The following APBA2 variants were observed in gnomAD, a reference collection of about 807,000 sequenced individuals.
APBA2 encodes amyloid beta precursor protein binding family A member 2.
In APBA2, 30 loss-of-function variants were observed where a neutral mutation model predicts 75.0. The observed-to-expected ratio is 0.40, with a 90% CI of 0.30 to 0.54. The LOEUF (loss-of-function observed/expected upper bound fraction) is 0.54, where lower values mean the gene tolerates loss of function less well. Among genes scored for constraint, APBA2 ranks in the 20% least tolerant of loss-of-function variants. The probability of loss-of-function intolerance (pLI) is 0.49; values close to 1 mark genes in which losing one functional copy is unlikely to be tolerated. For synonymous variants in APBA2, 444 were observed against 409.6 expected (o/e 1.08, Z -1.01); for missense variants, 801 against 1,016.1 (o/e 0.79, Z 2.88).
intron 2 of APBA2, among the ~76,000 whole-genome samples, chr15:28,948,233 C>G (rs566180200): frequency 6.6e-6 from 1 of 152,188 alleles, no homozygotes; most frequent in Admixed American, 6.5e-5. Context: ...GTCACCAGCT[C>G]CTAAGAGGGG....
intron 13 of APBA2, chr15:29,108,691 A>G: frequency 1.9e-6 from 1 of 527,620 alleles, no homozygotes; most frequent in Non-Finnish European, 3.4e-6. Flanking sequence ...TTCACCAGCC[A>G]CTGTAGCTTG....
chr15:29,087,242 T>C (rs1431650498), intron 6 of APBA2, among the ~76,000 whole-genome samples: 7 of 152,106 alleles, frequency 4.6e-5, no homozygotes, highest in African/African-American at 1.5e-4. Flanking sequence ...ATATGCTTTT[T>C]CCCATTTTTG....
intron 3 of APBA2, among the ~76,000 whole-genome samples, chr15:29,036,178 C>T (rs942716673): frequency 6.6e-6 from 1 of 152,188 alleles, no homozygotes; most frequent in Non-Finnish European, 1.5e-5. Flanking sequence ...ACCAGCCACA[C>T]CTCCTTGCCC....
At chr15:28,960,103 C>A (rs2036384153) in intron 2 of APBA2, among the ~76,000 whole-genome samples, 2 of 149,862 alleles carry the variant, frequency 1.3e-5, no homozygotes, top group South Asian at 4.2e-4. Context: ...TGAGATTGCA[C>A]CACTGCACTT....
At chr15:28,935,436 G>T (rs80258060) in intron 2 of APBA2, among the ~76,000 whole-genome samples, 4 of 152,320 alleles carry the variant, frequency 2.6e-5, no homozygotes, top group African/African-American at 9.6e-5. Context: ...TGCCGCTGCT[G>T]TCTGGGCCTC....
At position 28,905,744 on chromosome 15, in the gene APBA2, A is replaced by G. The variant is rs1595428092; in HGVS notation, c.-204-15896A>G. Among the ~76,000 whole-genome samples, 3 of 152,096 alleles carry G rather than the reference A, an allele frequency of 2.0e-5. No homozygotes were observed. The South Asian group carries it at 6.2e-4, about 32-fold the overall frequency. ...TCTAGCAATTATCTTGTATCTCTGG[A>G]GGAGAAAGGTGCCATTTTTCTGGCA... On this transcript the variant is annotated intron_variant, in intron 1 of 14. Coordinates refer to ENST00000683413, the MANE Select transcript of APBA2 (RefSeq NM_001353788.2).
At chr15:29,064,720 A>G (rs1438343768) in intron 4 of APBA2, among the ~76,000 whole-genome samples, 1 of 152,000 alleles carries the variant, frequency 6.6e-6, no homozygotes, top group Non-Finnish European at 1.5e-5. Context: ...GATGGTGATG[A>G]GAGAGAGACA....
intron 2 of APBA2, among the ~76,000 whole-genome samples, chr15:28,924,286 C>T (rs943002740): frequency 6.6e-6 from 1 of 152,098 alleles, no homozygotes; most frequent in African/African-American, 2.4e-5. Context: ...TAACATTAGC[C>T]ATTAACCAGT....
chr15:28,970,888 G>A (rs144137690), intron 2 of APBA2, among the ~76,000 whole-genome samples: 1 of 152,052 alleles, frequency 6.6e-6, no homozygotes, highest in African/African-American at 2.4e-5. Context: ...GCACACACCC[G>A]TATGTGTGCC....
intron 2 of APBA2, among the ~76,000 whole-genome samples, chr15:28,950,204 G>A (rs2035779763): frequency 6.6e-6 from 1 of 152,128 alleles, no homozygotes; most frequent in Non-Finnish European, 1.5e-5. Context: ...TTTGGGGGAG[G>A]AAAACCACAG....
At chr15:29,087,781 C>A (rs1015098450) in intron 6 of APBA2, among the ~76,000 whole-genome samples, 6 of 152,202 alleles carry the variant, frequency 3.9e-5, no homozygotes, top group African/African-American at 7.2e-5. Context: ...GGCAGGCTCT[C>A]CTGCTGATCT....
In APBA2 at chr15:29,046,509, A is replaced by T. The variant is rs765427533; in HGVS notation, c.-40-7336A>T. Among the ~76,000 whole-genome samples, 2 of 152,144 alleles carry T rather than the reference A, an allele frequency of 1.3e-5. No individual in the cohort carries two copies. The highest frequency in any genetic ancestry group is 2.4e-5 in the African/African-American group (1 of 41,440). On this transcript the variant is annotated intron_variant, in intron 3 of 14. Transcript: ENST00000683413. The surrounding 1 kb of genome is among the most constrained non-coding windows in gnomAD (Gnocchi z 5.0). ...CTAGGCTTCTTGGTGAGGGCCTTGT[A>T]TTTGTTGACAAGGAGGTCAGATCCA...
chr15:29,015,774 G>A (rs1045166772), intron 3 of APBA2, among the ~76,000 whole-genome samples: 2 of 152,148 alleles, frequency 1.3e-5, no homozygotes, highest in African/African-American at 2.4e-5. Flanking sequence ...TTTGTGGGGG[G>A]ACAAGAGTGA....
chr15:28,989,811 G>C (rs1193214124), intron 2 of APBA2, among the ~76,000 whole-genome samples: 1 of 152,210 alleles, frequency 6.6e-6, no homozygotes, highest in Non-Finnish European at 1.5e-5. Flanking sequence ...TAAGCTGCCT[G>C]CAGACCTTCT....
intron 4 of APBA2, among the ~76,000 whole-genome samples, chr15:29,067,119 T>G (rs576966715): frequency 6.6e-6 from 1 of 152,096 alleles, no homozygotes; most frequent in Non-Finnish European, 1.5e-5. Context: ...GCACTCAAAG[T>G]AAAACCTCAC....
chr15:29,103,027 C>T (rs1271990496), intron 10 of APBA2, among the ~76,000 whole-genome samples: 1 of 152,244 alleles, frequency 6.6e-6, no homozygotes, highest in African/African-American at 2.4e-5. Context: ...CGCACTCACA[C>T]ATTCCTTCCA....
chr15:28,917,821 A>C (rs73364792), intron 1 of APBA2, among the ~76,000 whole-genome samples: 5,711 of 152,190 alleles, frequency 0.038, 336 homozygotes, highest in African/African-American at 0.13. Context: ...TTTGAGGAGA[A>C]CTTTTTGTCA....
At chr15:29,056,610 C>CTCCCGTCCTTCCT (rs1555402764) in intron 4 of APBA2, among the ~76,000 whole-genome samples, 1 of 45,930 alleles carries the variant, frequency 2.2e-5, no homozygotes, top group African/African-American at 9.9e-5. Context: ...CCCTCCCTCC[C>CTCCCGTCCTTCCT]TCCTTCTCTC....
chr15:28,901,901 GC>G (rs1188482226), intron 1 of APBA2, among the ~76,000 whole-genome samples: 1 of 37,748 alleles, frequency 2.6e-5, no homozygotes, highest in African/African-American at 1.0e-4. Context: ...CCCTCGGGGA[GC>G]TTTTGATGTG....
Sources: allele counts gnomAD v4.1 joint callset (sites outside exome capture counted in the v4.1 genomes callset), GRCh38; gene constraint gnomAD v4.1.1; non-coding constraint Gnocchi (gnomAD v3.1); transcripts MANE v1.5; gene names NCBI Gene and HGNC (gene_info 2026-07-23, HGNC 2026-07-21).